Variants in SLC9A2 observed in about 807,000 individuals in gnomAD.
The protein encoded by SLC9A2 is sodium/hydrogen exchanger 2.
A neutral mutation model predicts 71.7 loss-of-function variants in SLC9A2; 42 were observed. The observed-to-expected ratio is 0.59, with a 90% CI of 0.46 to 0.76. SLC9A2 has a LOEUF of 0.76. SLC9A2 is among the 30% of genes least tolerant of loss of function. The pLI is 0.00. For missense variants in SLC9A2, 829 were observed against 1,017.4 expected, an observed-to-expected ratio of 0.81 and a Z score of 2.52; for synonymous variants, 396 against 392.5, an observed-to-expected ratio of 1.01 and a Z score of -0.10.
intron 1 of SLC9A2, among the ~76,000 whole-genome samples, chr2:102,643,677 G>A (rs1443893131): frequency 6.6e-6 from 1 of 152,168 alleles, no homozygotes; most frequent in Non-Finnish European, 1.5e-5. Flanking sequence ...CTCTTTAGGT[G>A]TATAGAGTGG....
intron 3 of SLC9A2, among the ~76,000 whole-genome samples, chr2:102,669,048 A>G (rs1324646813): frequency 3.3e-5 from 5 of 152,238 alleles, no homozygotes; most frequent in East Asian, 1.9e-4. Flanking sequence ...CAGGATTTCA[A>G]TATCTTGATT....
chr2:102,695,048 T>C lies in SLC9A2; in HGVS notation c.1521T>C (p.Phe507=). The part of the protein sequence containing the change: ...AVSEEIYCRL[F]DHVKTGIEDV... ...GCCTGCTTTTTCTGTTTTAGTTGTT[T>C]GATCATGTGAAGACTGGAATTGAAG... The change falls in exon 7 of 12, where the codon TTT becomes TTC. Residue 507 remains phenylalanine, a synonymous_variant. Transcript: ENST00000233969. The C allele has an allele frequency of 6.2e-7, 1 of 1,613,688 alleles. No individual in the cohort carries two copies. Among genetic ancestry groups the C allele is most frequent in the Middle Eastern group, 1.7e-4 (1 of 6,058 alleles).
intron 3 of SLC9A2, among the ~76,000 whole-genome samples, chr2:102,676,229 A>C (rs1573421644): frequency 6.6e-6 from 1 of 152,016 alleles, no homozygotes; most frequent in Admixed American, 6.5e-5. Flanking sequence ...CACCTGGAAA[A>C]CCTTCATTCC....
chr2:102,698,039 C>T (rs762016728), intron 7 of SLC9A2, among the ~76,000 whole-genome samples: 2 of 152,128 alleles, frequency 1.3e-5, no homozygotes, highest in African/African-American at 2.4e-5. Context: ...TATCCCTACA[C>T]GAAATAGAGC....
chr2:102,668,633 T>C (rs1013190166), intron 3 of SLC9A2, among the ~76,000 whole-genome samples: 4 of 152,230 alleles, frequency 2.6e-5, no homozygotes, highest in Non-Finnish European at 5.9e-5. Flanking sequence ...CTCAGGACTT[T>C]CCCTTGTTTT....
At chr2:102,667,031 G>A (rs902293987) in intron 3 of SLC9A2, among the ~76,000 whole-genome samples, 1 of 152,164 alleles carries the variant, frequency 6.6e-6, no homozygotes, top group African/African-American at 2.4e-5. Context: ...GAGGTTTGTG[G>A]TGGAGGAAGT....
intron 1 of SLC9A2, among the ~76,000 whole-genome samples, chr2:102,631,106 G>A (rs896166158): frequency 2.6e-5 from 4 of 151,930 alleles, no homozygotes; most frequent in Middle Eastern, 3.2e-3. Flanking sequence ...TTAATGATAT[G>A]TTTTTACTAT....
chr2:102,692,499 C>T (rs1284523992), intron 5 of SLC9A2, among the ~76,000 whole-genome samples: 3 of 152,182 alleles, frequency 2.0e-5, no homozygotes, highest in Non-Finnish European at 4.4e-5. Flanking sequence ...ATCCATGTAT[C>T]CTTCCTGCAG....
chr2:102,641,606 T>C (rs72997645), intron 1 of SLC9A2, among the ~76,000 whole-genome samples: 11,291 of 151,866 alleles, frequency 0.074, 1,268 homozygotes, highest in African/African-American at 0.24. Context: ...CCCTGCCATG[T>C]AATTGTGTTG....
At chr2:102,658,112 G>GTCTC in intron 2 of SLC9A2, 85 bp downstream of exon 2, 4 of 1,023,544 alleles carry the variant, frequency 3.9e-6, no homozygotes, top group Non-Finnish European at 5.8e-6. Flanking sequence ...AACTGGCAGG[G>GTCTC]GCGAGACCCT....
At chr2:102,687,241 CCTCCTATT>C (rs1454835511) in intron 5 of SLC9A2, among the ~76,000 whole-genome samples, 1 of 152,140 alleles carries the variant, frequency 6.6e-6, no homozygotes, top group Non-Finnish European at 1.5e-5. Context: ...ACTTCCTCTT[CCTCCTATT>C]CTCCTACCTA....
intron 3 of SLC9A2, among the ~76,000 whole-genome samples, chr2:102,674,345 A>G (rs944020427): frequency 2.0e-5 from 3 of 152,264 alleles, no homozygotes; most frequent in Admixed American, 2.0e-4. Context: ...CTTCTCAGCA[A>G]TTCTCTGGAC....
rs73947630 is a variant in SLC9A2, at chr2:102,662,280, A to T, written c.754-2820A>T. Among the ~76,000 whole-genome samples the T allele has an allele frequency of 1.6e-3, 245 of 152,328 alleles. 1 individual carries two copies. Among genetic ancestry groups the T allele is most frequent in the African/African-American group, 5.7e-3 (238 of 41,570 alleles). On this transcript the variant is annotated intron_variant, in intron 2 of 11. Coordinates refer to ENST00000233969, the MANE Select transcript of SLC9A2 (RefSeq NM_003048.6). ...TTGCCAGGAAAATAGTTTTGTAAGG[A>T]TTAGGAATGTGCGACCCAGCTGCAG... is the stretch of plus-strand genomic sequence containing the variant.
intron 3 of SLC9A2, among the ~76,000 whole-genome samples, chr2:102,666,783 A>G (rs1677149606): frequency 6.6e-6 from 1 of 152,196 alleles, no homozygotes; most frequent in African/African-American, 2.4e-5. Context: ...GTCAGTGAGA[A>G]ATACTTAGTA....
At chr2:102,678,510 TATTA>T (rs1384079344) in intron 3 of SLC9A2, among the ~76,000 whole-genome samples, 1 of 152,102 alleles carries the variant, frequency 6.6e-6, no homozygotes, top group African/African-American at 2.4e-5. Context: ...CTATTTAGGT[TATTA>T]TTTTGTTGGG....
rs2104525620 is a variant in SLC9A2, at chr2:102,665,139, A to G, written c.793A>G (p.Thr265Ala). The G allele has an allele frequency of 6.2e-7, 1 of 1,613,904 alleles. No individual in the cohort carries two copies. Residue 265 changes from threonine to alanine, a missense_variant, in exon 3 of 12, where the codon ACC becomes GCC. Physicochemically the swap from Thr to Ala is moderately conservative, Grantham distance 58. Coordinates refer to ENST00000233969, the MANE Select transcript of SLC9A2 (RefSeq NM_003048.6). ...GTTCAAGTCGTTTTGCCAGATGAAA[A>G]CCATTGAGACCATTGATGTGTTTGC... Reference protein sequence around the residue: ...NLFKSFCQMKTIETIDVFAGI... With the variant: ...NLFKSFCQMKAIETIDVFAGI...
chr2:102,624,869 A>T (rs1573394080), intron 1 of SLC9A2, among the ~76,000 whole-genome samples: 1 of 152,268 alleles, frequency 6.6e-6, no homozygotes, highest in East Asian at 1.9e-4. Flanking sequence ...GCTATCCTGA[A>T]ATTGAAATAT....
chr2:102,634,422 A>G (rs1175963750), intron 1 of SLC9A2, among the ~76,000 whole-genome samples: 2 of 152,222 alleles, frequency 1.3e-5, no homozygotes, highest in African/African-American at 4.8e-5. Flanking sequence ...AAATGAGCTC[A>G]TAGTAGCAGC....
intron 3 of SLC9A2, among the ~76,000 whole-genome samples, chr2:102,680,272 G>T (rs974441900): frequency 2.6e-5 from 4 of 151,872 alleles, no homozygotes; most frequent in Non-Finnish European, 4.4e-5. Context: ...TTATAATTCA[G>T]ATTCTTAATC....
Sources: gnomAD v4.1 joint callset for allele counts (sites outside exome capture counted in the v4.1 genomes callset) on GRCh38, gnomAD v4.1.1 for gene constraint, MANE v1.5 for transcripts, NCBI Gene and HGNC (gene_info 2026-07-23, HGNC 2026-07-21) for gene names.